The following IGSF9 variants were observed in gnomAD, a reference collection of about 807,000 sequenced individuals.
The protein encoded by IGSF9 is protein turtle homolog A.
In IGSF9, 87 loss-of-function variants were observed where a neutral mutation model predicts 121.7. The ratio of observed to expected loss-of-function variants is 0.71; its 90% CI spans 0.60 to 0.85. The LOEUF is 0.85. Among genes scored for constraint, IGSF9 ranks in the 40% least tolerant of loss-of-function variants. The pLI is 0.00. For missense variants in IGSF9, 1,462 were observed against 1,565.3 expected, an observed-to-expected ratio of 0.93 and a Z score of 1.11; for synonymous variants, 640 against 648.4, an observed-to-expected ratio of 0.99 and a Z score of 0.20.
intron 6 of IGSF9, 49 bp from the exon 7 acceptor site, chr1:159,934,871 C>A: frequency 6.2e-7 from 1 of 1,609,394 alleles, no homozygotes. Flanking sequence ...ACAGTCTTCC[C>A]AGAACCCTGA....
At chr1:159,943,277 C>A (rs1651465203) in intron 2 of IGSF9, 120 bp downstream of exon 2, 8 of 1,333,792 alleles carry the variant, frequency 6.0e-6, no homozygotes, top group Non-Finnish European at 8.1e-6. Context: ...AGTTCAGCTT[C>A]TCCAGAACCA....
At chr1:159,929,470 C>T in intron 17 of IGSF9, 77 bp from the exon 18 acceptor site, 1 of 1,563,324 alleles carries the variant, frequency 6.4e-7, no homozygotes, top group Non-Finnish European at 8.8e-7. Flanking sequence ...CACCCAACAC[C>T]AGGCGCCCAA....
Position 159,927,362 on chromosome 1 carries a change from G to A in IGSF9, c.3523C>T (p.Gln1175Ter), listed in dbSNP as rs1330793846. The change falls in exon 21 of 21, where the codon CAG becomes TAG. Residue 1175 changes from glutamine (Q) to a stop codon, truncating the protein, a stop_gained. Coordinates refer to ENST00000368094, the MANE Select transcript of IGSF9 (RefSeq NM_001135050.2). LOFTEE classifies it high-confidence loss of function. ...AYRQPVPHPE[Q>*]ATLL is the part of the protein sequence containing the mutation. ...AGGGATGTTCACAGCAGAGTGGCCT[G>A]TTCGGGGTGGGGGACTGGCTGTCGA... 9 of 1,613,822 alleles carry A rather than the reference G, an allele frequency of 5.6e-6. No homozygotes were observed. The highest frequency in any genetic ancestry group is 7.6e-6 in the Non-Finnish European group (9 of 1,180,012).
In IGSF9 at chr1:159,943,997, G is replaced by A. The variant is rs187266116; in HGVS notation, c.-174-369C>T. ...GAAAAATATTTTTGAAGGAAGTATG[G>A]TAGATCAAGACTCTCATGGCCTAGG... is the stretch of plus-strand genomic sequence containing the variant. On this transcript the variant is annotated intron_variant, in intron 1 of 20. Coordinates refer to ENST00000368094, the MANE Select transcript of IGSF9 (RefSeq NM_001135050.2). Among the ~76,000 whole-genome samples, 372 of 152,208 alleles carry A rather than the reference G, an allele frequency of 2.4e-3. 1 individual carries two copies. The highest frequency in any genetic ancestry group is 4.2e-3 in the South Asian group (20 of 4,818).
chr1:159,940,594 C>A (rs1651342932), intron 3 of IGSF9, among the ~76,000 whole-genome samples: 1 of 152,246 alleles, frequency 6.6e-6, no homozygotes, highest in African/African-American at 2.4e-5. Flanking sequence ...TTCACGTCCA[C>A]ACATCCACAA....
In IGSF9 at chr1:159,931,290, G is replaced by A. The variant is rs1225322214; in HGVS notation, c.1514-29C>T. ...GGCAGGGGGGAATGGAGGGATGGTG[G>A]TCAGGGCCTGAGGGAGTGTACAGAG... On this transcript the variant is annotated intron_variant, in intron 12 of 20. Coordinates refer to ENST00000368094, the MANE Select transcript of IGSF9 (RefSeq NM_001135050.2). The surrounding 1 kb of genome is among the most constrained non-coding windows in gnomAD (Gnocchi z 4.8). 1.9e-6 allele frequency: 3 copies of A among 1,613,914 alleles called. No homozygotes were observed. Among genetic ancestry groups the A allele is most frequent in the Non-Finnish European group, 2.5e-6 (3 of 1,179,878 alleles).
Position 159,929,383 on chromosome 1 carries a change from A to G in IGSF9, c.2337T>C (p.Leu779=). ...RRKRLRQDPP[L]IFSPTGKSAA... is the part of the protein sequence containing the mutation. ...CTGACTTCCCGGTCGGAGAGAAGAT[A>G]AGAGGTGGATCTGGAAGGGCATGAG... The change falls in exon 18 of 21, where the codon CTT becomes CTC. Residue 779 remains leucine (L), a synonymous_variant. Transcript: ENST00000368094. The G allele has an allele frequency of 6.2e-7, 1 of 1,614,160 alleles. No homozygotes were observed. Among genetic ancestry groups the G allele is most frequent in the South Asian group, 1.1e-5 (1 of 91,088 alleles).
intron 6 of IGSF9, among the ~76,000 whole-genome samples, chr1:159,935,425 T>C (rs1323957655): frequency 6.6e-6 from 1 of 152,196 alleles, no homozygotes; most frequent in African/African-American, 2.4e-5. Flanking sequence ...TCATGAACTC[T>C]TTCAGGTCAG....
At position 159,931,914 on chromosome 1, in the gene IGSF9, A is replaced by T; in HGVS notation, c.1260T>A (p.Phe420Leu). 6.3e-7 allele frequency: 1 copy of T among 1,593,206 alleles called. No homozygotes were observed. The highest frequency in any genetic ancestry group is 8.5e-7 in the Non-Finnish European group (1 of 1,173,840). The change falls in exon 11 of 21, where the codon TTT (phenylalanine) becomes TTA (leucine). Residue 420 changes from phenylalanine to leucine, a missense_variant. Coordinates refer to ENST00000368094, the MANE Select transcript of IGSF9 (RefSeq NM_001135050.2). The surrounding 1 kb of genome is among the most constrained non-coding windows in gnomAD (Gnocchi z 4.8). ...AATATTCTTCCTTGGGCCGCTCTAT[A>T]AAAGCTGGGGGAGCCTGCAAGCCAG... ...TRVLLKAPPA[F>L]IERPKEEYFQ...
intron 3 of IGSF9, among the ~76,000 whole-genome samples, chr1:159,939,251 C>T (rs148669263): frequency 2.0e-5 from 3 of 152,124 alleles, no homozygotes; most frequent in African/African-American, 7.2e-5. Flanking sequence ...TTTTTAGAGA[C>T]AGGGTCTCAC....
rs561289172 is a variant in IGSF9 at position 159,931,928 on chromosome 1, C to G, written c.1246G>C (p.Ala416Pro). The stretch of plus-strand genomic sequence containing the variant: ...GGCCGCTCTATAAAAGCTGGGGGAG[C>G]CTGCAAGCCAGATCTGGCATTGGGA... ...PSPVTRVLLK[A>P]PPAFIERPKE... is the part of the protein sequence containing the mutation. The change falls in exon 11 of 21, where the codon GCT becomes CCT. Residue 416 changes from alanine (A) to proline (P), a missense_variant and splice_region_variant. Transcript: ENST00000368094. The surrounding 1 kb of genome is among the most constrained non-coding windows in gnomAD (Gnocchi z 4.8). The G allele has an allele frequency of 2.7e-5, 42 of 1,582,154 alleles. No individual in the cohort carries two copies. The Middle Eastern group carries it at 5.2e-4, about 19-fold the overall frequency.
At chr1:159,930,999 A>T in intron 13 of IGSF9, 132 bp from the exon 14 acceptor site, 1 of 1,462,344 alleles carries the variant, frequency 6.8e-7, no homozygotes, top group Admixed American at 2.1e-5. Flanking sequence ...AATGCCTCAG[A>T]ATCTGGAAAC....
chr1:159,934,044 C>A, intron 9 of IGSF9, 146 bp downstream of exon 9: 1 of 993,112 alleles, frequency 1.0e-6, no homozygotes, highest in Admixed American at 2.5e-5. Flanking sequence ...GTTTCCTATG[C>A]AACATGTCTT....
chr1:159,941,460 C>T (rs1651377629), intron 3 of IGSF9, among the ~76,000 whole-genome samples: 1 of 152,222 alleles, frequency 6.6e-6, no homozygotes, highest in Non-Finnish European at 1.5e-5. Flanking sequence ...GGGGTGTGAA[C>T]AAAGGATAGG....
At chr1:159,937,914 T>TGAGA in intron 3 of IGSF9, 76 bp from the exon 4 acceptor site, 1 of 1,471,894 alleles carries the variant, frequency 6.8e-7, no homozygotes, top group South Asian at 1.2e-5. Context: ...CACTGGTAAT[T>TGAGA]CTTAGAGGTA....
intron 19 of IGSF9, 99 bp from the exon 20 acceptor site, chr1:159,927,986 C>A: frequency 6.6e-7 from 1 of 1,506,618 alleles, no homozygotes; most frequent in Admixed American, 2.0e-5. Context: ...CACGTTAGGT[C>A]ATGGGTTTCC....
At position 159,943,150 on chromosome 1, in the gene IGSF9, A is replaced by G. The variant is rs1651458409; in HGVS notation, c.60T>C (p.Gly20=). The change falls in exon 3 of 21, where the codon GGT becomes GGC. Residue 20 remains glycine (G), a splice_region_variant and synonymous_variant. Transcript: ENST00000368094. Reference sequence around the variant, plus strand: ...CCGATACCACCTCAGGCTTCCCTCGACCTGCATGATGGGTGGCATGAGGGC... The same window carrying G: ...CCGATACCACCTCAGGCTTCCCTCGGCCTGCATGATGGGTGGCATGAGGGC... The part of the protein sequence containing the change: ...LSLVISQGAD[G]RGKPEVVSVV... The G allele has an allele frequency of 6.3e-7, 1 of 1,584,092 alleles. No homozygotes were observed. Among genetic ancestry groups the G allele is most frequent in the Non-Finnish European group, 8.6e-7 (1 of 1,168,952 alleles).
chr1:159,936,498 G>T lies in IGSF9; in HGVS notation c.574C>A (p.Arg192=). The change falls in exon 6 of 21, where the codon CGG becomes AGG. Residue 192 remains arginine, a synonymous_variant. Transcript: ENST00000368094. ...CTGCCTCGCTCTACCCGGCGGATCC[G>T]CAGCGTCCCGTTCTGCACCTAGGGA... ...GQVQVQNGTL[R]IRRVERGSSG... is the part of the protein sequence containing the mutation. 1 of 1,613,948 alleles carries T rather than the reference G, an allele frequency of 6.2e-7. No homozygotes were observed. Among genetic ancestry groups the T allele is most frequent in the Non-Finnish European group, 8.5e-7 (1 of 1,179,966 alleles).
intron 6 of IGSF9, 137 bp downstream of exon 6, chr1:159,936,262 G>A (rs1651180033): frequency 1.4e-6 from 1 of 731,078 alleles, no homozygotes; most frequent in Admixed American, 2.3e-5. Context: ...AGCCTGCATT[G>A]GGAACCCCCT....
Sources: allele counts gnomAD v4.1 joint callset (sites outside exome capture counted in the v4.1 genomes callset), GRCh38; gene constraint gnomAD v4.1.1; non-coding constraint Gnocchi (gnomAD v3.1); transcripts MANE v1.5; gene names NCBI Gene and HGNC (gene_info 2026-07-23, HGNC 2026-07-21).